SLC22A14: variants seen among roughly 807,000 people sequenced by gnomAD.
SLC22A14 encodes the protein organic cation transporter-like 4.
In SLC22A14, 50 loss-of-function variants were observed where a neutral mutation model predicts 53.9. The ratio of observed to expected loss-of-function variants is 0.93; its 90% CI spans 0.74 to 1.17. The LOEUF (loss-of-function observed/expected upper bound fraction) is 1.17. Among genes scored for constraint, SLC22A14 ranks in the 50% most tolerant of loss-of-function variants. The pLI is 0.00. For synonymous variants in SLC22A14, 312 were observed against 303.0 expected, an observed-to-expected ratio of 1.03 and a Z score of -0.31; for missense variants, 671 against 734.7, an observed-to-expected ratio of 0.91 and a Z score of 1.00.
At chr3:38,287,276 C>T (rs1212288316) in intron 1 of SLC22A14, among the ~76,000 whole-genome samples, 1 of 152,120 alleles carries the variant, frequency 6.6e-6, no homozygotes, top group Non-Finnish European at 1.5e-5. Context: ...ACAATTTACA[C>T]ATTCTTATAT....
At position 38,307,762 on chromosome 3, in the gene SLC22A14, G is replaced by A. The variant is rs1210956053; in HGVS notation, c.775+42G>A. The A allele has an allele frequency of 6.2e-7, 1 of 1,607,182 alleles. No individual in the cohort carries two copies. The highest frequency in any genetic ancestry group is 8.5e-7 in the Non-Finnish European group (1 of 1,175,740). Reference sequence around the variant, plus strand: ...ATGGGGCAGGGCAGGGTGGCACAGGGGCATGGCGGCATAGGCGGGTGACAA... The same window carrying A: ...ATGGGGCAGGGCAGGGTGGCACAGGAGCATGGCGGCATAGGCGGGTGACAA... On this transcript the variant is annotated intron_variant, in intron 4 of 10. Coordinates refer to ENST00000448498, the MANE Select transcript of SLC22A14 (RefSeq NM_001320033.2). This position sits in a 1 kb window ranked among gnomAD's most constrained non-coding sequence, Gnocchi z 4.4.
chr3:38,293,561 G>A (rs1238286896), intron 1 of SLC22A14, among the ~76,000 whole-genome samples: 1 of 152,220 alleles, frequency 6.6e-6, no homozygotes, highest in Non-Finnish European at 1.5e-5. Flanking sequence ...AATAGAGTCA[G>A]GTGACAGGGA....
chr3:38,280,320 T>A (rs1396218418), upstream of SLC22A14, among the ~76,000 whole-genome samples: 1 of 152,302 alleles, frequency 6.6e-6, no homozygotes, highest in East Asian at 1.9e-4. Flanking sequence ...AAGCTTTTCT[T>A]TTCTCAAAAA....
intron 4 of SLC22A14, chr3:38,308,049 C>T (rs996951690): frequency 2.8e-5 from 10 of 351,606 alleles, no homozygotes; most frequent in South Asian, 1.3e-4. Flanking sequence ...CACCTTCCAC[C>T]GCATACTCTT....
chr3:38,283,112 G>A (rs1703709111), intron 1 of SLC22A14, among the ~76,000 whole-genome samples: 4 of 152,032 alleles, frequency 2.6e-5, no homozygotes, highest in Admixed American at 1.3e-4. Flanking sequence ...GGGACCCCTT[G>A]CATCTTCAAA....
intron 5 of SLC22A14, among the ~76,000 whole-genome samples, chr3:38,309,976 A>G (rs1704423718): frequency 6.6e-6 from 1 of 152,204 alleles, no homozygotes; most frequent in Admixed American, 6.5e-5. Context: ...CTTGTCTAAC[A>G]GCACACAGCT....
chr3:38,299,530 T>C (rs1368173220), intron 1 of SLC22A14, among the ~76,000 whole-genome samples: 4 of 152,254 alleles, frequency 2.6e-5, no homozygotes, highest in South Asian at 2.1e-4. Flanking sequence ...TATCAATGAA[T>C]AGACATTTTC....
intron 1 of SLC22A14, among the ~76,000 whole-genome samples, chr3:38,287,398 T>G (rs1260193227): frequency 3.3e-5 from 5 of 152,288 alleles, no homozygotes; most frequent in Admixed American, 6.5e-5. Context: ...ATAGATTCCC[T>G]TATATTTTCT....
chr3:38,305,624 G>A (rs993904276), intron 1 of SLC22A14: 5 of 170,948 alleles, frequency 2.9e-5, no homozygotes, highest in Admixed American at 1.7e-4. Context: ...GGCTACAGCC[G>A]ACGATGCAGA....
At chr3:38,295,964 T>TA (rs1704027798) in intron 1 of SLC22A14, among the ~76,000 whole-genome samples, 1 of 152,236 alleles carries the variant, frequency 6.6e-6, no homozygotes, top group African/African-American at 2.4e-5. Flanking sequence ...CCTGGGTTTA[T>TA]AGCCTAGATG....
chr3:38,290,862 G>A (rs1165653451), intron 1 of SLC22A14, among the ~76,000 whole-genome samples: 4 of 152,032 alleles, frequency 2.6e-5, no homozygotes, highest in Admixed American at 2.6e-4. Flanking sequence ...ATATCTGCTT[G>A]GTGGTTCCCT....
At chr3:38,299,236 C>G (rs535479937) in intron 1 of SLC22A14, among the ~76,000 whole-genome samples, 1 of 152,128 alleles carries the variant, frequency 6.6e-6, no homozygotes, top group Non-Finnish European at 1.5e-5. Context: ...TACTAAGGTT[C>G]TAAAATCAGA....
At chr3:38,302,210 G>T (rs1436972373) in intron 1 of SLC22A14, among the ~76,000 whole-genome samples, 7 of 145,216 alleles carry the variant, frequency 4.8e-5, no homozygotes, top group Non-Finnish European at 9.0e-5. Context: ...CTCCAGGCTG[G>T]GTGACAAGAG....
In SLC22A14 at chr3:38,315,695, C is replaced by G. The variant is rs779077111; in HGVS notation, c.1516C>G (p.Leu506Val). The G allele has an allele frequency of 6.8e-6, 11 of 1,613,722 alleles. No homozygotes were observed. Among genetic ancestry groups the G allele is most frequent in the Middle Eastern group, 1.6e-4 (1 of 6,084 alleles). ...GTTCTTCCTCTACACCGCTGAGCTC[C>G]TCCCCACTGTGCTCAGGTATGGGGT... The part of the protein sequence containing the change: ...TVFFLYTAEL[L>V]PTVLRATGLG... Residue 506 changes from leucine (L) to valine (V), a missense_variant, in exon 9 of 11, where the codon CTC (leucine) becomes GTC (valine). By Grantham distance (32) the Leu-to-Val change is conservative. Transcript: ENST00000448498.
At chr3:38,304,489 G>T (rs138724747) in intron 1 of SLC22A14, among the ~76,000 whole-genome samples, 9,744 of 152,046 alleles carry the variant, frequency 0.064, 372 homozygotes, top group East Asian at 0.16. Context: ...CCTGGCTCAG[G>T]TGATCCTCCC....
chr3:38,316,285 C>T lies in SLC22A14; in HGVS notation c.1533-39C>T, dbSNP rs149688650. 2,555 of 1,598,404 alleles carry T rather than the reference C, an allele frequency of 1.6e-3. 4 individuals are homozygous for T. Among genetic ancestry groups the T allele is most frequent in the Non-Finnish European group, 1.5e-3 (1,801 of 1,166,826 alleles). On this transcript the variant is annotated intron_variant, in intron 9 of 10. Transcript: ENST00000448498. ...GCTGGCCCTGCCCAGCCTCTGAACC[C>T]GGCAGACCCCTCACAGGAGCTCTCA...
intron 5 of SLC22A14, among the ~76,000 whole-genome samples, chr3:38,310,116 G>T (rs534205081): frequency 6.6e-6 from 1 of 152,220 alleles, no homozygotes; most frequent in Admixed American, 6.5e-5. Context: ...AGTGGCTCAT[G>T]CCTGTAATCC....
chr3:38,309,168 C>T, intron 5 of SLC22A14, 46 bp downstream of exon 5: 1 of 1,535,044 alleles, frequency 6.5e-7, no homozygotes. Flanking sequence ...GTCTGATGGG[C>T]TGGATGTCGA....
intron 6 of SLC22A14, 106 bp downstream of exon 6, chr3:38,313,225 T>C: frequency 6.6e-7 from 1 of 1,506,120 alleles, no homozygotes; most frequent in Non-Finnish European, 9.1e-7. Flanking sequence ...GTGCCCCCAG[T>C]CCACTGCTTA....
Sources: gnomAD v4.1 joint callset for allele counts (sites outside exome capture counted in the v4.1 genomes callset) on GRCh38, gnomAD v4.1.1 for gene constraint, Gnocchi (gnomAD v3.1) non-coding constraint, MANE v1.5 for transcripts, NCBI Gene and HGNC (gene_info 2026-07-23, HGNC 2026-07-21) for gene names.